The following C19orf47 variants were observed in gnomAD, a reference collection of about 807,000 sequenced individuals.
C19orf47 encodes the protein uncharacterized protein C19orf47.
C19orf47 carries 18 observed loss-of-function variants against 32.3 expected under a neutral mutation model. That is an observed-to-expected ratio of 0.56 (90% CI 0.39 to 0.83). The LOEUF is 0.83. Ranked by LOEUF, C19orf47 falls within the 40% of genes least tolerant of loss-of-function variation. C19orf47 has a pLI of 0.00. For missense variants in C19orf47, 484 were observed against 531.6 expected, an observed-to-expected ratio of 0.91 and a Z score of 0.88; for synonymous variants, 202 against 211.1, an observed-to-expected ratio of 0.96 and a Z score of 0.37.
chr19:40,337,181 A>G (rs894917387), intron 2 of C19orf47, among the ~76,000 whole-genome samples: 2 of 152,120 alleles, frequency 1.3e-5, no homozygotes, highest in African/African-American at 2.4e-5. Flanking sequence ...GATTTTAGTG[A>G]TAACAGCCCC....
chr19:40,294,478 T>C, the C19orf47 span, among the ~76,000 whole-genome samples: 1 of 152,090 alleles, frequency 6.6e-6, no homozygotes, highest in East Asian at 1.9e-4. Context: ...ATTCCTCCCC[T>C]CCCAGAGATG....
At chr19:40,348,485 C>T (rs2078381975), upstream of C19orf47, 10 of 1,496,858 alleles carry the variant, frequency 6.7e-6, 1 homozygote, top group South Asian at 1.1e-4. Context: ...CCCAACAGGC[C>T]GCCACCAGCG....
Position 40,321,249 on chromosome 19 carries a change from G to A in C19orf47, c.*633C>T, listed in dbSNP as rs1191253750. ...GGTCCCTCCAGCCTGGGAGTAGAGGGCGGCTAACAGTCTCAACAGGCTCGA... is the reference window on the plus strand; with the variant it reads ...GGTCCCTCCAGCCTGGGAGTAGAGGACGGCTAACAGTCTCAACAGGCTCGA... On this transcript the variant is annotated 3_prime_UTR_variant, in exon 9 of 9. Coordinates refer to ENST00000683109, the MANE Select transcript of C19orf47 (RefSeq NM_001256441.2). 2.0e-6 allele frequency: 2 copies of A among 986,978 alleles called. No individual in the cohort carries two copies. The highest frequency in any genetic ancestry group is 2.4e-6 in the Non-Finnish European group (2 of 830,138). The allele number at this position is 986,978 out of a possible 1,614,324, so 61.1% of individuals were successfully genotyped here.
chr19:40,298,685 A>C, the C19orf47 span, among the ~76,000 whole-genome samples: 1 of 152,174 alleles, frequency 6.6e-6, no homozygotes, highest in Admixed American at 6.6e-5. Flanking sequence ...AAATTCTCAT[A>C]TATAATTATA....
At chr19:40,328,293 T>C (rs1422094036) in intron 6 of C19orf47, 120 bp downstream of exon 6, 4 of 1,416,500 alleles carry the variant, frequency 2.8e-6, no homozygotes, top group African/African-American at 3.0e-5. Flanking sequence ...CAGGTTCAAA[T>C]GTTTTGTATA....
chr19:40,305,839 T>G, the C19orf47 span, among the ~76,000 whole-genome samples: 1 of 152,192 alleles, frequency 6.6e-6, no homozygotes, highest in East Asian at 1.9e-4. Flanking sequence ...TTTTGATAGT[T>G]GTACTGTGCT....
Position 40,323,988 on chromosome 19 carries a change from T to A in C19orf47, c.663+18A>T. On this transcript the variant is annotated intron_variant, in intron 8 of 8. Coordinates refer to ENST00000683109, the MANE Select transcript of C19orf47 (RefSeq NM_001256441.2). Reference sequence around the variant, plus strand: ...CAACAGCTCGCACGCCCAGAATCGCTCCCCCATCCCCACTCACTTTACTCC... The same window carrying A: ...CAACAGCTCGCACGCCCAGAATCGCACCCCCATCCCCACTCACTTTACTCC... The A allele has an allele frequency of 6.2e-7, 1 of 1,613,868 alleles. No homozygotes were observed. Among genetic ancestry groups the A allele is most frequent in the African/African-American group, 1.3e-5 (1 of 74,906 alleles).
chr19:40,328,495 G>A lies in C19orf47; in HGVS notation c.357C>T (p.Pro119=), dbSNP rs2077881845. The A allele has an allele frequency of 1.9e-6, 3 of 1,611,890 alleles. No individual in the cohort carries two copies. The change falls in exon 6 of 9, where the codon CCC becomes CCT. Residue 119 remains proline, a synonymous_variant. Coordinates refer to ENST00000683109, the MANE Select transcript of C19orf47 (RefSeq NM_001256441.2). The part of the protein sequence containing the change: ...SLNHDSPPST[P]PRRPDTSTSK... ...AGGTGCTGGTGTCCGGGCGCCTGGG[G>A]GGTGTGCTGGGTGGAGAGTCATGGT...
chr19:40,348,527 C>A (rs1285282126), upstream of C19orf47: 14 of 1,475,530 alleles, frequency 9.5e-6, no homozygotes, highest in Non-Finnish European at 1.2e-5. Context: ...CGTGACCGCC[C>A]ACCGACACCA....
chr19:40,308,758 C>T, the C19orf47 span, among the ~76,000 whole-genome samples: 1 of 152,090 alleles, frequency 6.6e-6, no homozygotes, highest in African/African-American at 2.4e-5. Flanking sequence ...GCCACCACGC[C>T]CAGAATAGAA....
At chr19:40,329,707 T>C (rs1033356513) in intron 5 of C19orf47, among the ~76,000 whole-genome samples, 2 of 152,290 alleles carry the variant, frequency 1.3e-5, no homozygotes, top group African/African-American at 4.8e-5. Flanking sequence ...TCTCCTCTGT[T>C]AATAATATAC....
chr19:40,327,167 C>T (rs889893982), intron 6 of C19orf47, among the ~76,000 whole-genome samples: 4 of 152,020 alleles, frequency 2.6e-5, no homozygotes, highest in Admixed American at 6.6e-5. Flanking sequence ...GCATGCGCCA[C>T]CACGCCCAGC....
At chr19:40,294,402 T>C in the C19orf47 span, among the ~76,000 whole-genome samples, 3 of 152,176 alleles carry the variant, frequency 2.0e-5, no homozygotes, top group Non-Finnish European at 4.4e-5. Flanking sequence ...TCTTGTATAA[T>C]AACTCTGGTT....
At chr19:40,318,880 T>C (rs530230126), downstream of C19orf47, among the ~76,000 whole-genome samples, 2 of 152,148 alleles carry the variant, frequency 1.3e-5, no homozygotes, top group African/African-American at 2.4e-5. Context: ...CTGAAAATAA[T>C]GGATTTAGGA....
the C19orf47 span, among the ~76,000 whole-genome samples, chr19:40,296,577 T>G: frequency 6.6e-6 from 1 of 152,092 alleles, no homozygotes; most frequent in Non-Finnish European, 1.5e-5. Context: ...CCATTGTGCC[T>G]GGCCAAGTGT....
At position 40,321,603 on chromosome 19, in the gene C19orf47, G is replaced by A; in HGVS notation, c.*279C>T. 2 of 1,223,818 alleles carry A rather than the reference G, an allele frequency of 1.6e-6. No individual in the cohort carries two copies. The highest frequency in any genetic ancestry group is 5.7e-5 in the South Asian group (2 of 35,006). The allele number at this position is 1,223,818 out of a possible 1,614,324, so 75.8% of individuals were successfully genotyped here. On this transcript the variant is annotated 3_prime_UTR_variant, in exon 9 of 9. Coordinates refer to ENST00000683109, the MANE Select transcript of C19orf47 (RefSeq NM_001256441.2). The stretch of plus-strand genomic sequence containing the variant: ...GGAAGAAGCCCCCTGGCACTTGGGA[G>A]AGGTAGAAAAGTGGGTTCTGCCAAG...
At chr19:40,309,485 C>T in the C19orf47 span, among the ~76,000 whole-genome samples, 2 of 151,938 alleles carry the variant, frequency 1.3e-5, no homozygotes, top group East Asian at 3.9e-4. Context: ...CACCGTGCCT[C>T]GCCTATTTCT....
chr19:40,297,648 C>T, the C19orf47 span, among the ~76,000 whole-genome samples: 4 of 136,856 alleles, frequency 2.9e-5, no homozygotes, highest in African/African-American at 8.8e-5. Flanking sequence ...TGTAGTGAGG[C>T]GAGATTGCAC....
chr19:40,303,468 A>G, the C19orf47 span, among the ~76,000 whole-genome samples: 1 of 149,210 alleles, frequency 6.7e-6, no homozygotes, highest in Admixed American at 6.8e-5. Context: ...GCTTGCAGTG[A>G]GCGGAGATCA....
Sources: allele counts gnomAD v4.1 joint callset (sites outside exome capture counted in the v4.1 genomes callset), GRCh38; gene constraint gnomAD v4.1.1; transcripts MANE v1.5; gene names NCBI Gene and HGNC (gene_info 2026-07-23, HGNC 2026-07-21).